Variants in NTRK3 observed in about 807,000 individuals in gnomAD.
NTRK3 encodes neurotrophic receptor tyrosine kinase 3.
In NTRK3, 24 loss-of-function variants were observed where a neutral mutation model predicts 91.7. The observed-to-expected ratio is 0.26, with a 90% confidence interval of 0.19 to 0.37. The LOEUF (loss-of-function observed/expected upper bound fraction) is 0.37. Ranked by LOEUF, NTRK3 falls within the 10% of genes least tolerant of loss-of-function variation. NTRK3 has a pLI of 1.00. For synonymous variants in NTRK3, 483 were observed against 404.0 expected (o/e 1.20, Z -2.34); for missense variants, 880 against 1,068.9 (o/e 0.82, Z 2.46).
At position 87,978,290 on chromosome 15, in the gene NTRK3, T is replaced by A. The variant is rs144698433; in HGVS notation, c.1586-37537A>T. 280 of 230,140 alleles carry A rather than the reference T, an allele frequency of 1.2e-3. 1 individual carries two copies. The highest frequency in any genetic ancestry group is 5.8e-3 in the African/African-American group (264 of 45,232). The allele number at this position is 230,140 out of a possible 1,614,324, so 14.3% of individuals were successfully genotyped here. ...TCAAAGCAAGCAAAGTAAACACACATATTGACCAGAGAACAGGAGGACACT... is the reference window on the plus strand; with the variant it reads ...TCAAAGCAAGCAAAGTAAACACACAAATTGACCAGAGAACAGGAGGACACT... On this transcript the variant is annotated intron_variant, in intron 14 of 18. Coordinates refer to ENST00000394480, the Ensembl canonical transcript of NTRK3.
intron 3 of NTRK3, among the ~76,000 whole-genome samples, chr15:88,216,292 T>A (rs1239689420): frequency 6.6e-6 from 1 of 152,122 alleles, no homozygotes; most frequent in East Asian, 1.9e-4. Context: ...TCTCCCGAAA[T>A]CAGATGGAAT....
intron 14 of NTRK3, among the ~76,000 whole-genome samples, chr15:87,998,133 G>A: frequency 6.6e-6 from 1 of 152,126 alleles, no homozygotes; most frequent in Non-Finnish European, 1.5e-5. Context: ...GATGTGAATA[G>A]CATCCTCCAC....
chr15:87,863,669 C>T (rs753400303), exon 19 of NTRK3: 1 of 224,986 alleles, frequency 4.4e-6, no homozygotes, highest in Admixed American at 5.7e-5. Context: ...AACCTTAAAA[C>T]CTTGGAAAAG....
chr15:88,193,216 G>A (rs1259718767), intron 3 of NTRK3, among the ~76,000 whole-genome samples: 2 of 152,116 alleles, frequency 1.3e-5, no homozygotes, highest in African/African-American at 2.4e-5. Context: ...GCAGCCCAGG[G>A]CCCTGGTCTG....
rs570291316 is a variant in NTRK3 at position 88,123,352 on chromosome 15, G to A, written c.1396+2919C>T. ...CCCAGACTTGAAAATTCAAAACTGA[G>A]ACTGGGGTGGATGTGAAGAGACAAG... is the stretch of plus-strand genomic sequence containing the variant. On this transcript the variant is annotated intron_variant, in intron 13 of 18. Coordinates refer to ENST00000394480, the Ensembl canonical transcript of NTRK3. Among the ~76,000 whole-genome samples, 4 of 152,300 alleles carry A rather than the reference G, an allele frequency of 2.6e-5. No individual in the cohort carries two copies. In the South Asian group the frequency reaches 8.3e-4, roughly 32 times the overall value.
chr15:87,975,375 C>A (rs1044266145), intron 14 of NTRK3, among the ~76,000 whole-genome samples: 22 of 152,148 alleles, frequency 1.4e-4, no homozygotes, highest in Admixed American at 1.4e-3. Flanking sequence ...GAGCGCCTGG[C>A]AAGCACCCTG....
At chr15:88,054,519 T>A (rs1233275278) in intron 13 of NTRK3, among the ~76,000 whole-genome samples, 1 of 152,108 alleles carries the variant, frequency 6.6e-6, no homozygotes, top group Non-Finnish European at 1.5e-5. Context: ...TCTTGCAAAA[T>A]GAGCAACTCA....
chr15:87,895,751 A>G (rs184701422), intron 17 of NTRK3, among the ~76,000 whole-genome samples: 18 of 151,424 alleles, frequency 1.2e-4, no homozygotes, highest in Admixed American at 1.1e-3. Context: ...CCTCTGCACA[A>G]TACAACTTGG....
At chr15:88,244,387 G>T (rs2052639657) in intron 3 of NTRK3, among the ~76,000 whole-genome samples, 1 of 152,172 alleles carries the variant, frequency 6.6e-6, no homozygotes, top group Non-Finnish European at 1.5e-5. Flanking sequence ...TAAATAACGT[G>T]CTCACAGTTT....
intron 6 of NTRK3, 21 bp from the exon 7 acceptor site, chr15:88,137,582 G>C: frequency 6.2e-7 from 1 of 1,612,364 alleles, no homozygotes. Flanking sequence ...AGAGAGAGGG[G>C]AAGGGAACCT....
chr15:87,974,153 C>T (rs2073505847), intron 14 of NTRK3, among the ~76,000 whole-genome samples: 1 of 152,130 alleles, frequency 6.6e-6, no homozygotes, highest in African/African-American at 2.4e-5. Flanking sequence ...GGGGATGTGT[C>T]ACAGCCCAGT....
rs932370073 is a variant in NTRK3, at chr15:88,181,190, G to A, written c.395+2228C>T. ...TACTTTGGCAAGAGCTGGCCAATGT[G>A]TCCAGGAGAAAACAGGGCCCAAAGT... On this transcript the variant is annotated intron_variant, in intron 5 of 18. Coordinates refer to ENST00000394480, the Ensembl canonical transcript of NTRK3. Among the ~76,000 whole-genome samples, 12 of 152,270 alleles carry A rather than the reference G, an allele frequency of 7.9e-5. No individual in the cohort carries two copies. In the Middle Eastern group the frequency reaches 0.01, roughly 129 times the overall value.
chr15:87,864,718 A>G (rs1459950288), exon 19 of NTRK3: 1 of 229,134 alleles, frequency 4.4e-6, no homozygotes, highest in Non-Finnish European at 8.7e-6. Flanking sequence ...AAAAATGCTA[A>G]TGGCAAAACT....
chr15:88,245,439 T>A (rs1475119357), intron 3 of NTRK3, among the ~76,000 whole-genome samples: 1 of 152,034 alleles, frequency 6.6e-6, no homozygotes, highest in East Asian at 1.9e-4. Context: ...TTAAACTGAG[T>A]TTTTTGACCA....
At chr15:88,209,674 G>C (rs1243882082) in intron 3 of NTRK3, among the ~76,000 whole-genome samples, 1 of 152,230 alleles carries the variant, frequency 6.6e-6, no homozygotes, top group Non-Finnish European at 1.5e-5. Flanking sequence ...GGACTGCCCA[G>C]CAGAAGCTGC....
intron 5 of NTRK3, among the ~76,000 whole-genome samples, chr15:88,149,382 C>A (rs1443520120): frequency 6.6e-6 from 1 of 152,182 alleles, no homozygotes. Flanking sequence ...GTTCTGCTGT[C>A]TTCCCTGTAC....
chr15:87,953,930 G>A (rs982710780), intron 14 of NTRK3, among the ~76,000 whole-genome samples: 11 of 151,794 alleles, frequency 7.2e-5, no homozygotes, highest in African/African-American at 2.2e-4. Flanking sequence ...CCCCTCCTCC[G>A]TGCGGGTTAT....
chr15:88,209,274 T>C (rs2049041827), intron 3 of NTRK3, among the ~76,000 whole-genome samples: 1 of 152,160 alleles, frequency 6.6e-6, no homozygotes, highest in Admixed American at 6.5e-5. Context: ...GGGGAGATGA[T>C]GTTTGGCCAG....
chr15:88,077,113 A>G (rs2047617812), intron 13 of NTRK3, among the ~76,000 whole-genome samples: 1 of 152,090 alleles, frequency 6.6e-6, no homozygotes, highest in African/African-American at 2.4e-5. Context: ...TAAATAAAAC[A>G]TTTTTGAGGA....
Sources: allele counts gnomAD v4.1 joint callset (sites outside exome capture counted in the v4.1 genomes callset), GRCh38; gene constraint gnomAD v4.1.1; transcripts MANE v1.5; gene names NCBI Gene and HGNC (gene_info 2026-07-23, HGNC 2026-07-21).